Variants in ERC2 observed in about 807,000 individuals in gnomAD.
ERC2 encodes ELKS/RAB6-interacting/CAST family member 2.
ERC2 carries 42 observed loss-of-function variants against 114.8 expected under a neutral mutation model. That is an observed-to-expected ratio of 0.37 (90% CI 0.29 to 0.47). The LOEUF (loss-of-function observed/expected upper bound fraction) is 0.47, where lower values mean the gene tolerates loss of function less well. ERC2 is among the 20% of genes least tolerant of loss of function. ERC2 has a pLI of 0.99. For synonymous variants in ERC2, 454 were observed against 425.5 expected (o/e 1.07, Z -0.82); for missense variants, 939 against 1,150.7 (o/e 0.82, Z 2.66).
chr3:55,859,304 C>T (rs1005500336), intron 14 of ERC2, among the ~76,000 whole-genome samples: 5 of 152,246 alleles, frequency 3.3e-5, no homozygotes, highest in Middle Eastern at 3.4e-3. Flanking sequence ...TCTTCGCTTC[C>T]ACCCACCCCT....
intron 3 of ERC2, among the ~76,000 whole-genome samples, chr3:56,194,410 G>C (rs2047973023): frequency 6.6e-6 from 1 of 152,152 alleles, no homozygotes; most frequent in African/African-American, 2.4e-5. Context: ...AGAAACGGCA[G>C]GCACCACTGT....
chr3:55,841,035 A>G (rs9812501), intron 14 of ERC2, among the ~76,000 whole-genome samples: 1 of 152,056 alleles, frequency 6.6e-6, no homozygotes, highest in South Asian at 2.1e-4. Context: ...ATGTTCATTA[A>G]CCTGACTGCT....
At chr3:56,320,396 A>G (rs1191581845) in intron 2 of ERC2, among the ~76,000 whole-genome samples, 1 of 152,254 alleles carries the variant, frequency 6.6e-6, no homozygotes, top group Non-Finnish European at 1.5e-5. Context: ...ATAAAGATAC[A>G]TTCAGACAAA....
chr3:56,299,798 CCAGGTTTAT>C (rs1207016250), intron 2 of ERC2, among the ~76,000 whole-genome samples: 1 of 152,096 alleles, frequency 6.6e-6, no homozygotes. Flanking sequence ...CTGAGATGAT[CCAGGTTTAT>C]CTGGAGTCAA....
At chr3:55,826,890 C>T (rs2060347338) in intron 14 of ERC2, among the ~76,000 whole-genome samples, 2 of 152,222 alleles carry the variant, frequency 1.3e-5, no homozygotes, top group South Asian at 4.1e-4. Flanking sequence ...GGGGTTCCAA[C>T]TCTCCTGCCC....
chr3:55,811,139 C>CGTTTAATT (rs1553687190), intron 14 of ERC2, among the ~76,000 whole-genome samples: 3 of 151,994 alleles, frequency 2.0e-5, no homozygotes, highest in Non-Finnish European at 4.4e-5. Context: ...TTAGGATTAA[C>CGTTTAATT]TTTTAATTTG....
intron 2 of ERC2, among the ~76,000 whole-genome samples, chr3:56,409,404 G>A (rs1231534980): frequency 6.6e-6 from 1 of 151,746 alleles, no homozygotes; most frequent in Non-Finnish European, 1.5e-5. Context: ...AATCATGACT[G>A]TGTGGGGAAA....
At chr3:55,778,155 T>C (rs77914287) in intron 14 of ERC2, among the ~76,000 whole-genome samples, 2 of 152,326 alleles carry the variant, frequency 1.3e-5, no homozygotes, top group East Asian at 1.9e-4. Flanking sequence ...TATGCTTATG[T>C]ATAACTAAAT....
At chr3:55,536,810 G>A (rs1164806097) in intron 17 of ERC2, among the ~76,000 whole-genome samples, 1 of 152,102 alleles carries the variant, frequency 6.6e-6, no homozygotes, top group Non-Finnish European at 1.5e-5. Context: ...AATGCTGATG[G>A]CCTCCCAGCC....
intron 17 of ERC2, among the ~76,000 whole-genome samples, chr3:55,547,602 A>G (rs1575543427): frequency 6.6e-6 from 1 of 151,960 alleles, no homozygotes; most frequent in African/African-American, 2.4e-5. Context: ...AGCACACAAA[A>G]CCCCCAGCCG....
At chr3:56,412,486 G>A (rs1359885999) in intron 2 of ERC2, among the ~76,000 whole-genome samples, 2 of 152,212 alleles carry the variant, frequency 1.3e-5, no homozygotes, top group African/African-American at 4.8e-5. Context: ...TCATTGGCAC[G>A]CTGTCAAGCA....
intron 3 of ERC2, among the ~76,000 whole-genome samples, chr3:56,186,096 T>C (rs967182556): frequency 2.8e-5 from 3 of 106,872 alleles, no homozygotes; most frequent in African/African-American, 7.2e-5. Flanking sequence ...TTTGAAAGCA[T>C]ATACATCTCA....
intron 17 of ERC2, among the ~76,000 whole-genome samples, chr3:55,671,540 A>G (rs1022280511): frequency 3.3e-5 from 5 of 152,258 alleles, no homozygotes; most frequent in African/African-American, 9.6e-5. Flanking sequence ...AAAGGCCCCA[A>G]GTTCCTTTTT....
chr3:55,883,889 AAACAACAACAAC>A (rs57990581), intron 14 of ERC2, among the ~76,000 whole-genome samples: 12 of 131,938 alleles, frequency 9.1e-5, no homozygotes, highest in Admixed American at 2.9e-4. Flanking sequence ...CTCCGTCTCA[AAACAACAACAAC>A]AACAACAACA....
At chr3:56,029,850 T>C (rs142088528) in intron 7 of ERC2, among the ~76,000 whole-genome samples, 2 of 152,248 alleles carry the variant, frequency 1.3e-5, no homozygotes, top group African/African-American at 4.8e-5. Context: ...ATTATTTCCT[T>C]CCCTCTACTT....
intron 1 of ERC2, among the ~76,000 whole-genome samples, chr3:56,466,070 C>A (rs187619018): frequency 6.6e-6 from 1 of 152,104 alleles, no homozygotes; most frequent in Non-Finnish European, 1.5e-5. Context: ...ATAATTTGGG[C>A]GTAAGAATAG....
In ERC2 at chr3:55,653,564, AGTGTGTGTGTGTGTGT is replaced by A. The variant is rs36231107; in HGVS notation, c.*39+30214_*39+30229del. On this transcript the variant is annotated intron_variant, in intron 17 of 17. Coordinates refer to ENST00000288221, the MANE Select transcript of ERC2 (RefSeq NM_015576.3). ...ATAGAACAATCTCAAACCTGGTAAAAGTGTGTGTGTGTGTGTGTGTGTGTGTGTGTGTGTGTGTGTG... is the reference window on the plus strand; with the variant it reads ...ATAGAACAATCTCAAACCTGGTAAAAGTGTGTGTGTGTGTGTGTGTGTGTG... Among the ~76,000 whole-genome samples the A allele has an allele frequency of 1.9e-3, 269 of 141,290 alleles. 2 individuals are homozygous for A. Among genetic ancestry groups the A allele is most frequent in the Middle Eastern group, 7.5e-3 (2 of 268 alleles). The allele number at this position is 141,290 out of a possible 152,430, so 92.7% of individuals were successfully genotyped here. A position where few individuals can be genotyped will look rare whatever the true frequency, so the allele number is the denominator to read the frequency against.
intron 3 of ERC2, among the ~76,000 whole-genome samples, chr3:56,262,893 C>T (rs543409250): frequency 6.6e-6 from 1 of 152,220 alleles, no homozygotes; most frequent in South Asian, 2.1e-4. Context: ...TTTAACATTC[C>T]AAAGATTGTC....
chr3:56,422,045 G>A (rs1305242404), intron 2 of ERC2, among the ~76,000 whole-genome samples: 1 of 152,124 alleles, frequency 6.6e-6, no homozygotes, highest in Non-Finnish European at 1.5e-5. Flanking sequence ...CACAAGATGT[G>A]GAACAAAAGA....
Sources: gnomAD v4.1 joint callset for allele counts (sites outside exome capture counted in the v4.1 genomes callset) on GRCh38, gnomAD v4.1.1 for gene constraint, MANE v1.5 for transcripts, NCBI Gene and HGNC (gene_info 2026-07-23, HGNC 2026-07-21) for gene names.